Variants in SYT12 observed in about 807,000 individuals in gnomAD.
SYT12 encodes synaptotagmin-12.
SYT12 carries 27 observed loss-of-function variants against 39.5 expected under a neutral mutation model. That is an observed-to-expected ratio of 0.68 (90% CI 0.50 to 0.94). SYT12 has a LOEUF of 0.94. Among genes scored for constraint, SYT12 ranks in the 40% least tolerant of loss-of-function variants. The probability of loss-of-function intolerance (pLI) is 0.00; values close to 1 mark genes in which losing one functional copy is unlikely to be tolerated. For missense variants in SYT12, 536 were observed against 572.6 expected, an observed-to-expected ratio of 0.94 and a Z score of 0.65; for synonymous variants, 233 against 239.7, an observed-to-expected ratio of 0.97 and a Z score of 0.26.
At position 67,014,730 on chromosome 11, in the gene SYT12, G is replaced by A. The variant is rs79783409; in HGVS notation, c.-69+3736G>A. ...GATTTGGAGGCAGCCTTGAGGCATG[G>A]CATGGGGGTCTGAGAACCCAGAGGG... On this transcript the variant is annotated intron_variant, in intron 3 of 10. Transcript: ENST00000393946. 1.6e-4 allele frequency among the ~76,000 whole-genome samples: 25 copies of A among 152,232 alleles called. 1 individual carries two copies. In the East Asian group the frequency reaches 4.8e-3, roughly 29 times the overall value.
chr11:67,019,919 G>A (rs374127179), upstream of SYT12, among the ~76,000 whole-genome samples: 1 of 150,076 alleles, frequency 6.7e-6, no homozygotes, highest in East Asian at 2.0e-4. Context: ...AAAAAGTGGC[G>A]AGCCGCTTGC....
At chr11:67,023,939 G>A (rs756555591) in intron 1 of SYT12, among the ~76,000 whole-genome samples, 27 of 152,220 alleles carry the variant, frequency 1.8e-4, no homozygotes, top group Non-Finnish European at 3.5e-4. Context: ...CCCTGGCCGT[G>A]TGAAGAGCCA....
chr11:67,048,756 A>C lies in SYT12; in HGVS notation c.1265A>C (p.Ter422SerextTer32). The change falls in exon 8 of 8, where the codon TAG becomes TCG. Residue 422 changes from the stop codon to serine (S), a stop_lost. Coordinates refer to ENST00000527043, the MANE Select transcript of SYT12 (RefSeq NM_177963.4). ...ATGTGGCACGCTGTCCGGCGAAACT[A>C]GCAACCAGGGCGGGCCAGTTGGGCA... ...VSMWHAVRRN[*>S] The C allele has an allele frequency of 6.3e-7, 1 of 1,592,930 alleles. No individual in the cohort carries two copies. Among genetic ancestry groups the C allele is most frequent in the Non-Finnish European group, 8.6e-7 (1 of 1,163,672 alleles).
In SYT12 at chr11:67,045,783, A is replaced by G; in HGVS notation, c.998A>G (p.Lys333Arg). ...GTGTACCTGCTGCAGGATGGGAGGA[A>G]GATGAGCAAAAAGAAGACAGCCGTG... ...VKVYLLQDGR[K>R]MSKKKTAVKR... The change falls in exon 7 of 8, where the codon AAG (lysine) becomes AGG (arginine). Residue 333 changes from lysine (K) to arginine (R), a missense_variant. Physicochemically the swap from Lys to Arg is conservative, Grantham distance 26. Transcript: ENST00000527043. 1 of 1,613,930 alleles carries G rather than the reference A, an allele frequency of 6.2e-7. No homozygotes were observed. The highest frequency in any genetic ancestry group is 8.5e-7 in the Non-Finnish European group (1 of 1,179,970).
chr11:67,018,966 A>G (rs1950082156), upstream of SYT12, among the ~76,000 whole-genome samples: 1 of 152,242 alleles, frequency 6.6e-6, no homozygotes, highest in South Asian at 2.1e-4. Context: ...CAGTGGCTCA[A>G]CGCCTACTGT....
chr11:67,011,460 C>G (rs548827819), intron 3 of SYT12, among the ~76,000 whole-genome samples: 149 of 152,296 alleles, frequency 9.8e-4, no homozygotes, highest in Admixed American at 2.2e-3. Context: ...TCAGGCTGAT[C>G]TCGAACTCCT....
intron 1 of SYT12, chr11:67,028,940 T>G (rs1950218312): frequency 1.3e-5 from 2 of 152,246 alleles, no homozygotes. Flanking sequence ...GCACCAGGCC[T>G]GCAGGCTTAC....
chr11:67,048,827 C>A lies in SYT12; in HGVS notation c.*70C>A. On this transcript the variant is annotated 3_prime_UTR_variant, in exon 8 of 8. Coordinates refer to ENST00000527043, the MANE Select transcript of SYT12 (RefSeq NM_177963.4). ...TACCCACTCAGCTCTGTCTGATGCC[C>A]TCTCCATAGCCCAGCTGGAGCCGTG... is the stretch of plus-strand genomic sequence containing the variant. 6.6e-7 allele frequency: 1 copy of A among 1,519,722 alleles called. No individual in the cohort carries two copies. The highest frequency in any genetic ancestry group is 1.2e-5 in the South Asian group (1 of 82,966). The allele number at this position is 1,519,722 out of a possible 1,614,324, so 94.1% of individuals were successfully genotyped here.
At chr11:67,034,463 A>T (rs562154158) in intron 2 of SYT12, among the ~76,000 whole-genome samples, 182 bp from the exon 3 acceptor site, 1 of 152,338 alleles carries the variant, frequency 6.6e-6, no homozygotes, top group East Asian at 1.9e-4. Flanking sequence ...CTGAAACCCA[A>T]AACACTTCTG....
At chr11:67,042,837 C>T (rs1365085227) in intron 4 of SYT12, among the ~76,000 whole-genome samples, 4 of 151,940 alleles carry the variant, frequency 2.6e-5, no homozygotes, top group Non-Finnish European at 5.9e-5. Context: ...CCTTCCCACA[C>T]CCAGGCAGTG....
intron 6 of SYT12, among the ~76,000 whole-genome samples, chr11:67,045,057 T>C (rs1394928193): frequency 1.3e-5 from 2 of 151,804 alleles, no homozygotes; most frequent in East Asian, 1.9e-4. Flanking sequence ...GGAACTGGAA[T>C]TCATGGTGGA....
At chr11:67,024,684 C>T (rs897357923) in intron 1 of SYT12, among the ~76,000 whole-genome samples, 5 of 152,164 alleles carry the variant, frequency 3.3e-5, no homozygotes, top group African/African-American at 4.8e-5. Flanking sequence ...GTCTGTCCTG[C>T]GGTTTCTGTG....
In SYT12 at chr11:67,044,698, G is replaced by C; in HGVS notation, c.943G>C (p.Asp315His). 1 of 1,613,664 alleles carries C rather than the reference G, an allele frequency of 6.2e-7. No individual in the cohort carries two copies. The highest frequency in any genetic ancestry group is 8.5e-7 in the Non-Finnish European group (1 of 1,179,956). Residue 315 changes from aspartate (D) to histidine (H), a missense_variant, in exon 6 of 8, where the codon GAC becomes CAC. Transcript: ENST00000527043. ...GGCCAAGAACCTCATCTGGACCAAC[G>C]ACAAGACCACAGCGGGTAAGGCCCA... ...VKAKNLIWTN[D>H]KTTADPFVKV...
At chr11:67,039,275 C>A (rs750797733) in intron 3 of SYT12, among the ~76,000 whole-genome samples, 2 of 151,200 alleles carry the variant, frequency 1.3e-5, no homozygotes, top group Non-Finnish European at 2.9e-5. Flanking sequence ...TGCACTCCAG[C>A]CTGGTGACAG....
At chr11:67,041,674 G>A (rs967441132) in intron 4 of SYT12, among the ~76,000 whole-genome samples, 1 of 152,142 alleles carries the variant, frequency 6.6e-6, no homozygotes, top group Non-Finnish European at 1.5e-5. Flanking sequence ...ACCTTGTGTG[G>A]AGAGGGCTAC....
chr11:67,047,853 TC>T lies in SYT12; in HGVS notation c.1093-730del, dbSNP rs1854609880. Reference sequence around the variant, plus strand: ...CCCAGGCTGGACTGCAGTGGCGCTGTCTTGGCTCACTGCAAGCTCCGCCTCC... The same window carrying T: ...CCCAGGCTGGACTGCAGTGGCGCTGTTTGGCTCACTGCAAGCTCCGCCTCC... On this transcript the variant is annotated intron_variant, in intron 7 of 7. Coordinates refer to ENST00000527043, the MANE Select transcript of SYT12 (RefSeq NM_177963.4). 2.1e-5 allele frequency among the ~76,000 whole-genome samples: 3 copies of T among 140,738 alleles called. No homozygotes were observed. In the East Asian group the frequency reaches 7.3e-4, roughly 34 times the overall value. The allele number at this position is 140,738 out of a possible 152,430, so 92.3% of individuals were successfully genotyped here.
At chr11:67,036,905 C>A (rs749352127) in intron 3 of SYT12, among the ~76,000 whole-genome samples, 4 of 152,166 alleles carry the variant, frequency 2.6e-5, no homozygotes, top group African/African-American at 9.7e-5. Flanking sequence ...GAAACCTGGT[C>A]TCTACTAAAA....
intron 1 of SYT12, 82 bp from the exon 2 acceptor site, chr11:67,030,040 C>T (rs1019485409): frequency 2.5e-5 from 33 of 1,309,454 alleles, no homozygotes; most frequent in Non-Finnish European, 3.0e-5. Flanking sequence ...ATGACAGGCA[C>T]GTGGGTGCCA....
At chr11:67,030,401 T>G (rs1159756635) in intron 2 of SYT12, 2 of 524,376 alleles carry the variant, frequency 3.8e-6, no homozygotes, top group Non-Finnish European at 6.7e-6. Context: ...TGGCTCCTTC[T>G]TGTTAAAGTG....
Sources: allele counts gnomAD v4.1 joint callset (sites outside exome capture counted in the v4.1 genomes callset), GRCh38; gene constraint gnomAD v4.1.1; transcripts MANE v1.5; gene names NCBI Gene and HGNC (gene_info 2026-07-23, HGNC 2026-07-21).